Variants in DNAH5 observed in about 807,000 individuals in gnomAD.
The protein encoded by DNAH5 is axonemal beta dynein heavy chain 5.
Under a neutral mutation model 518.2 loss-of-function variants are expected in DNAH5, and 372 were observed. The observed-to-expected ratio is 0.72, with a 90% CI of 0.66 to 0.78. DNAH5 has a LOEUF of 0.78. Among genes scored for constraint, DNAH5 ranks in the 30% least tolerant of loss-of-function variants. DNAH5 has a pLI of 0.00. For synonymous variants in DNAH5, 2,039 were observed against 2,025.9 expected (o/e 1.01, Z -0.17); for missense variants, 5,523 against 5,687.0 (o/e 0.97, Z 0.93).
chr5:13,960,763 C>T (rs1223896574), intron 1 of DNAH5, among the ~76,000 whole-genome samples: 2 of 152,240 alleles, frequency 1.3e-5, no homozygotes, highest in South Asian at 2.1e-4. Flanking sequence ...CACACCCACC[C>T]TCTCCCCGTG....
chr5:13,780,257 T>C (rs1754892768), intron 53 of DNAH5, among the ~76,000 whole-genome samples: 2 of 152,224 alleles, frequency 1.3e-5, no homozygotes, highest in Admixed American at 6.5e-5. Context: ...CAAGCTTCAA[T>C]AGGATTTGGT....
chr5:13,843,956 G>A (rs972821386), intron 32 of DNAH5, among the ~76,000 whole-genome samples: 22 of 152,138 alleles, frequency 1.4e-4, no homozygotes, highest in African/African-American at 5.1e-4. Context: ...TGACTTCAGC[G>A]TTGATCATGA....
chr5:13,769,168 CA>C, intron 57 of DNAH5, 32 bp from the exon 58 acceptor site: 1 of 1,604,256 alleles, frequency 6.2e-7, no homozygotes, highest in Non-Finnish European at 8.5e-7. Context: ...AATACTTCAC[CA>C]AACAGTATTA....
In DNAH5 at chr5:13,862,543, C is replaced by T. The variant is rs1028612046; in HGVS notation, c.4796+5G>A. 3 of 1,613,598 alleles carry T rather than the reference C, an allele frequency of 1.9e-6. No homozygotes were observed. Among genetic ancestry groups the T allele is most frequent in the Middle Eastern group, 1.6e-4 (1 of 6,084 alleles). On this transcript the variant is annotated splice_donor_5th_base_variant and intron_variant, in intron 29 of 78. Coordinates refer to ENST00000265104, the MANE Select transcript of DNAH5 (RefSeq NM_001369.3). Reference sequence around the variant, plus strand: ...TCTAAGGGAAAAGATAGATGGTTTTCCCACCTGTTGCTCAGTAGGGATCCC... The same window carrying T: ...TCTAAGGGAAAAGATAGATGGTTTTTCCACCTGTTGCTCAGTAGGGATCCC...
In DNAH5 at chr5:13,827,166, G is replaced by A. The variant is rs564752724; in HGVS notation, c.6444+2344C>T. 7.4e-4 allele frequency among the ~76,000 whole-genome samples: 113 copies of A among 152,286 alleles called. 1 individual carries two copies. Among genetic ancestry groups the A allele is most frequent in the Non-Finnish European group, 1.5e-3 (100 of 68,024 alleles). On this transcript the variant is annotated intron_variant, in intron 38 of 78. Coordinates refer to ENST00000265104, the MANE Select transcript of DNAH5 (RefSeq NM_001369.3). ...GTGGAAGAAATTTCTAAGCGGCAAAGCTTTCAAGAGGAAGCAGAGCATAAA... is the reference window on the plus strand; with the variant it reads ...GTGGAAGAAATTTCTAAGCGGCAAAACTTTCAAGAGGAAGCAGAGCATAAA...
At chr5:13,859,921 G>T (rs924486453) in intron 29 of DNAH5, among the ~76,000 whole-genome samples, 1 of 152,122 alleles carries the variant, frequency 6.6e-6, no homozygotes, top group Non-Finnish European at 1.5e-5. Flanking sequence ...CTATGGCTAC[G>T]AGAATAATAT....
chr5:14,006,873 G>A (rs1295602723), intron 1 of DNAH5, among the ~76,000 whole-genome samples: 3 of 152,100 alleles, frequency 2.0e-5, no homozygotes, highest in African/African-American at 7.2e-5. Context: ...CCTCGGCCCT[G>A]GCTGCAGCAT....
rs761060792 is a variant in DNAH5 at position 13,882,831 on chromosome 5, A to C, written c.3175-16T>G. The stretch of plus-strand genomic sequence containing the variant: ...GTATCTTTTTCTACAATGTAAAAGG[A>C]TATTTTTCAGTTCTGTCCTATCTGT... On this transcript the variant is annotated splice_polypyrimidine_tract_variant and intron_variant, in intron 20 of 78. Transcript: ENST00000265104. The C allele has an allele frequency of 6.2e-7, 1 of 1,613,810 alleles. No individual in the cohort carries two copies. The highest frequency in any genetic ancestry group is 8.5e-7 in the Non-Finnish European group (1 of 1,179,674).
At chr5:13,805,523 G>A (rs763282250) in intron 47 of DNAH5, among the ~76,000 whole-genome samples, 14 of 151,928 alleles carry the variant, frequency 9.2e-5, no homozygotes, top group Middle Eastern at 3.4e-3. Context: ...TCTGAGTCTC[G>A]TCCTATGGCC....
intron 32 of DNAH5, among the ~76,000 whole-genome samples, chr5:13,843,272 C>T (rs1301094512): frequency 6.6e-6 from 1 of 152,152 alleles, no homozygotes; most frequent in East Asian, 1.9e-4. Flanking sequence ...GCCTCCTACA[C>T]TGTACCAGAG....
At chr5:13,946,824 T>C (rs569581521), upstream of DNAH5, among the ~76,000 whole-genome samples, 1 of 152,368 alleles carries the variant, frequency 6.6e-6, no homozygotes, top group Admixed American at 6.5e-5. Context: ...GAAGTTCCAC[T>C]TTCATTCATT....
At chr5:13,974,073 T>A (rs939814537) in intron 1 of DNAH5, among the ~76,000 whole-genome samples, 3 of 152,154 alleles carry the variant, frequency 2.0e-5, no homozygotes, top group Non-Finnish European at 4.4e-5. Flanking sequence ...CCCACTGAGA[T>A]CCCTATTCCT....
Position 13,807,697 on chromosome 5 carries a change from G to A in DNAH5, c.7781C>T (p.Thr2594Ile), listed in dbSNP as rs1436405688. Residue 2594 changes from threonine to isoleucine, a missense_variant, in exon 47 of 79, where the codon ACA becomes ATA. Around this residue, in one of 3 missense-constraint regions of DNAH5, gnomAD observed 5,121 missense variants for 5,223.3 expected, o/e 0.98. Transcript: ENST00000265104. ...TCCTTTAATTATTACTGTTTTGGCT[G>A]TTCCTTGTTCACCAATTAATAGCAC... is the stretch of plus-strand genomic sequence containing the variant. Reference protein sequence around the residue: ...KAVLLIGEQGTAKTVIIKGFM... With the variant: ...KAVLLIGEQGIAKTVIIKGFM... 1 of 1,607,686 alleles carries A rather than the reference G, an allele frequency of 6.2e-7. No homozygotes were observed. The highest frequency in any genetic ancestry group is 8.5e-7 in the Non-Finnish European group (1 of 1,175,892).
chr5:13,713,414 C>CAT (rs370220746), intron 75 of DNAH5, among the ~76,000 whole-genome samples: 33,531 of 96,208 alleles, frequency 0.35, 6,743 homozygotes, highest in Non-Finnish European at 0.4. Context: ...TATACACCGA[C>CAT]ATATATATAT....
intron 39 of DNAH5, 56 bp downstream of exon 39, chr5:13,824,143 G>A: frequency 2.0e-6 from 3 of 1,529,422 alleles, no homozygotes; most frequent in African/African-American, 2.7e-5. Flanking sequence ...TCATGTATGG[G>A]CAGTTAGTTT....
intron 40 of DNAH5, among the ~76,000 whole-genome samples, chr5:13,822,032 T>C (rs897488672): frequency 3.9e-5 from 6 of 152,122 alleles, no homozygotes; most frequent in South Asian, 4.1e-4. Context: ...TCCCCCAACG[T>C]TGGCCTATCA....
intron 17 of DNAH5, among the ~76,000 whole-genome samples, chr5:13,889,220 T>C (rs373515688): frequency 6.6e-5 from 10 of 152,196 alleles, no homozygotes; most frequent in South Asian, 4.1e-4. Flanking sequence ...TGTATTTTTA[T>C]AAAACAATCA....
chr5:13,925,704 C>T (rs915980809), intron 3 of DNAH5, among the ~76,000 whole-genome samples: 2 of 152,188 alleles, frequency 1.3e-5, no homozygotes, highest in African/African-American at 4.8e-5. Context: ...AATCACCTCC[C>T]ACCAGGTTCC....
chr5:13,770,796 C>T lies in DNAH5; in HGVS notation c.9558G>A (p.Lys3186=). 6.2e-7 allele frequency: 1 copy of T among 1,614,052 alleles called. No individual in the cohort carries two copies. The highest frequency in any genetic ancestry group is 8.5e-7 in the Non-Finnish European group (1 of 1,179,974). ...KSYLSFIQGY[K]FIYGEKHVEV... The stretch of plus-strand genomic sequence containing the variant: ...CCACATGCTTTTCTCCATATATGAA[C>T]TTATAGCCCTGAATAAAGGAGAGGT... Residue 3186 remains lysine (K), a synonymous_variant, in exon 56 of 79, where the codon AAG becomes AAA. Transcript: ENST00000265104.
Sources: gnomAD v4.1 joint callset for allele counts (sites outside exome capture counted in the v4.1 genomes callset) on GRCh38, gnomAD v4.1.1 for gene constraint, gnomAD v4.1.1 regional missense constraint, MANE v1.5 for transcripts, NCBI Gene and HGNC (gene_info 2026-07-23, HGNC 2026-07-21) for gene names.